Variants in UMOD observed in about 807,000 individuals in gnomAD.
UMOD encodes Tamm-Horsfall urinary glycoprotein.
In UMOD, 64 loss-of-function variants were observed where a neutral mutation model predicts 66.0. The observed-to-expected ratio is 0.97, with a 90% CI of 0.79 to 1.19. UMOD has a LOEUF of 1.19. Ranked by LOEUF, UMOD falls within the 50% of genes most tolerant of loss-of-function variation. The pLI is 0.00. For synonymous variants in UMOD, 398 were observed against 352.7 expected, an observed-to-expected ratio of 1.13 and a Z score of -1.44; for missense variants, 764 against 850.9, an observed-to-expected ratio of 0.90 and a Z score of 1.27.
upstream of UMOD, chr16:20,352,932 C>G (rs1408595500): frequency 1.3e-5 from 5 of 397,044 alleles, no homozygotes; most frequent in East Asian, 1.8e-4. Context: ...GGGGGTCACA[C>G]CTGTGCCCGG....
chr16:20,336,828 C>T, intron 8 of UMOD, 101 bp from the exon 9 acceptor site: 2 of 1,075,224 alleles, frequency 1.9e-6, no homozygotes, highest in Non-Finnish European at 2.8e-6. Context: ...CCTTCCCTTG[C>T]CCCAGGCAGA....
chr16:20,351,972 C>T (rs572353279), intron 1 of UMOD, among the ~76,000 whole-genome samples: 2 of 148,778 alleles, frequency 1.3e-5, no homozygotes, highest in South Asian at 2.1e-4. Flanking sequence ...GAGCTGAGAT[C>T]GTGCCACTGC....
chr16:20,339,843 G>T (rs993629432), intron 7 of UMOD, among the ~76,000 whole-genome samples: 2 of 152,154 alleles, frequency 1.3e-5, no homozygotes, highest in African/African-American at 4.8e-5. Flanking sequence ...CACAGAGCCC[G>T]ACACACAGCA....
upstream of UMOD, among the ~76,000 whole-genome samples, chr16:20,355,409 C>CTTT (rs71377648): frequency 1.4e-5 from 2 of 139,282 alleles, no homozygotes; most frequent in Non-Finnish European, 1.5e-5. Context: ...TTTTCTTCTT[C>CTTT]TTTTTTTTTT....
intron 9 of UMOD, among the ~76,000 whole-genome samples, chr16:20,336,147 C>T (rs1044409340): frequency 6.6e-6 from 1 of 152,202 alleles, no homozygotes; most frequent in Non-Finnish European, 1.5e-5. Context: ...TCCTAAACCA[C>T]TCCTAAGATC....
At chr16:20,341,648 C>T (rs574763464) in intron 6 of UMOD, among the ~76,000 whole-genome samples, 16 of 152,296 alleles carry the variant, frequency 1.1e-4, no homozygotes, top group African/African-American at 3.9e-4. Flanking sequence ...AGTAACACAT[C>T]CAGTCCCTCA....
At chr16:20,347,318 C>T (rs759876992) in intron 4 of UMOD, among the ~76,000 whole-genome samples, 2 of 152,290 alleles carry the variant, frequency 1.3e-5, no homozygotes, top group South Asian at 2.1e-4. Context: ...CCACTGCGCC[C>T]GGCCCACTAA....
At chr16:20,349,913 T>C (rs750370196) in intron 2 of UMOD, 10 of 1,513,354 alleles carry the variant, frequency 6.6e-6, no homozygotes, top group African/African-American at 2.8e-5. Context: ...GAAGCTGTTG[T>C]TTATTAAGCA....
At chr16:20,352,319 A>G (rs1965939493) in intron 1 of UMOD, among the ~76,000 whole-genome samples, 1 of 152,166 alleles carries the variant, frequency 6.6e-6, no homozygotes. Flanking sequence ...GAATGATTTT[A>G]TGACCCGCTA....
intron 8 of UMOD, 85 bp from the exon 9 acceptor site, chr16:20,336,812 C>A (rs1964900007): frequency 7.9e-7 from 1 of 1,261,000 alleles, no homozygotes; most frequent in Non-Finnish European, 1.1e-6. Context: ...GCCCACCTCA[C>A]AGGTGCCTTC....
chr16:20,346,388 C>A, intron 4 of UMOD, 54 bp from the exon 5 acceptor site: 1 of 1,593,360 alleles, frequency 6.3e-7, no homozygotes, highest in Non-Finnish European at 8.6e-7. Context: ...GGGGGCCCAG[C>A]ACATCCCCAG....
At position 20,348,876 on chromosome 16, in the gene UMOD, C is replaced by T. The variant is rs199835347; in HGVS notation, c.425G>A (p.Arg142Gln). 4,593 of 1,550,560 alleles carry T rather than the reference C, an allele frequency of 3.0e-3. 69 individuals are homozygous for T. The South Asian group carries it at 0.034, about 12-fold the overall frequency. The change falls in exon 3 of 11, where the codon CGG becomes CAG. Residue 142 changes from arginine to glutamine, a missense_variant. Arg to Gln is a conservative substitution (Grantham distance 43). Coordinates refer to ENST00000396138, the MANE Select transcript of UMOD (RefSeq NM_003361.4). ...SYLCVCPAGYRGDGWHCECSP... is the reference protein window; with the variant it reads ...SYLCVCPAGYQGDGWHCECSP... ...GCACTCACAGTGCCATCCATCCCCC[C>T]GGTAGCCCGCGGGGCATACGCACAA...
At chr16:20,347,210 A>G (rs1965636006) in intron 4 of UMOD, among the ~76,000 whole-genome samples, 1 of 152,082 alleles carries the variant, frequency 6.6e-6, no homozygotes, top group Admixed American at 6.6e-5. Flanking sequence ...TTTAGTAGAG[A>G]TGGGATTTTG....
rs74657669 is a variant in UMOD at position 20,348,181 on chromosome 16, G to A, written c.973+42C>T. On this transcript the variant is annotated intron_variant, in intron 4 of 10. Coordinates refer to ENST00000396138, the MANE Select transcript of UMOD (RefSeq NM_003361.4). ...GGAATGTGTCCCTCCCCCAGGCAGT[G>A]ACAGGTTTCTCAACAACCCGCTTCC... is the stretch of plus-strand genomic sequence containing the variant. The A allele has an allele frequency of 4.4e-3, 6,955 of 1,566,480 alleles. 252 individuals are homozygous for A. The African/African-American group carries it at 0.082, about 18-fold the overall frequency.
chr16:20,348,176 G>T, intron 4 of UMOD, 47 bp downstream of exon 4: 1 of 1,532,514 alleles, frequency 6.5e-7, no homozygotes, highest in Non-Finnish European at 9.0e-7. Context: ...CCTCCCCCAG[G>T]CAGTGACAGG....
In UMOD at chr16:20,348,313, C is replaced by G. The variant is rs1215090075; in HGVS notation, c.883G>C (p.Gly295Arg). The change falls in exon 4 of 11, where the codon GGG becomes CGG. Residue 295 changes from glycine to arginine, a missense_variant. Coordinates refer to ENST00000396138, the MANE Select transcript of UMOD (RefSeq NM_003361.4). Reference protein sequence around the residue: ...AYCTDPSSVEGTCEECSIDED... With the variant: ...AYCTDPSSVERTCEECSIDED... ...TCTATACTGCACTCCTCACACGTCC[C>G]CTCCACGGAGCTGGGGTCTGCAGGG... The G allele has an allele frequency of 1.9e-6, 3 of 1,614,228 alleles. No homozygotes were observed. The highest frequency in any genetic ancestry group is 2.2e-5 in the East Asian group (1 of 44,886).
At chr16:20,340,432 A>G (rs1965128852) in intron 7 of UMOD, among the ~76,000 whole-genome samples, 1 of 146,168 alleles carries the variant, frequency 6.8e-6, no homozygotes, top group East Asian at 2.1e-4. Context: ...AAAATGCATT[A>G]TATCTTTGTG....
In UMOD at chr16:20,348,487, A is replaced by G; in HGVS notation, c.814T>C (p.Tyr272His). The change falls in exon 3 of 11, where the codon TAC becomes CAC. Residue 272 changes from tyrosine (Y) to histidine (H), a missense_variant. Transcript: ENST00000396138. ...GGGGGCGCTGTCAGGTTGTAGACGT[A>G]GTAGCCGCCGGCACAGGCCTTCACC... ...VQVKACAGGY[Y>H]VYNLTAPPEC... 1.2e-6 allele frequency: 2 copies of G among 1,611,958 alleles called. No individual in the cohort carries two copies. The highest frequency in any genetic ancestry group is 1.7e-6 in the Non-Finnish European group (2 of 1,179,866).
chr16:20,333,244 C>G lies in UMOD; in HGVS notation c.*70G>C. The stretch of plus-strand genomic sequence containing the variant: ...TTCTTTTCTGTGGCTGGAGCACTGG[C>G]CCGCATCATGCCCCCTGCCCAGCAG... On this transcript the variant is annotated 3_prime_UTR_variant, in exon 11 of 11. Transcript: ENST00000396138. 1 of 1,475,200 alleles carries G rather than the reference C, an allele frequency of 6.8e-7. No individual in the cohort carries two copies. The highest frequency in any genetic ancestry group is 9.4e-7 in the Non-Finnish European group (1 of 1,064,952). 91.4% of individuals were successfully genotyped at this position (1,475,200 alleles called of 1,614,324 possible). A position where few individuals can be genotyped will look rare whatever the true frequency, so the allele number is the denominator to read the frequency against.
Sources: gnomAD v4.1 joint callset for allele counts (sites outside exome capture counted in the v4.1 genomes callset) on GRCh38, gnomAD v4.1.1 for gene constraint, MANE v1.5 for transcripts, NCBI Gene and HGNC (gene_info 2026-07-23, HGNC 2026-07-21) for gene names.